The following PDE4D variants were observed in gnomAD, a reference collection of about 807,000 sequenced individuals.
PDE4D encodes the protein 3',5'-cyclic-AMP phosphodiesterase 4D.
A neutral mutation model predicts 87.4 loss-of-function variants in PDE4D; 24 were observed. That is an observed-to-expected ratio of 0.27 (90% CI 0.20 to 0.39). The LOEUF is 0.39. Among genes scored for constraint, PDE4D ranks in the 10% least tolerant of loss-of-function variants. The probability of loss-of-function intolerance (pLI) is 1.00; values close to 1 mark genes in which losing one functional copy is unlikely to be tolerated. For missense variants in PDE4D, 714 were observed against 1,041.0 expected (o/e 0.69, Z 4.32); for synonymous variants, 384 against 383.2 (o/e 1.00, Z -0.02).
intron 1 of PDE4D, among the ~76,000 whole-genome samples, chr5:60,449,379 A>T (rs1745907456): frequency 6.6e-6 from 1 of 151,698 alleles, no homozygotes; most frequent in African/African-American, 2.4e-5. Context: ...CATTCTCAGT[A>T]AACTATCGCA....
intron 6 of PDE4D, among the ~76,000 whole-genome samples, chr5:58,996,854 T>A (rs1445944137): frequency 6.6e-6 from 1 of 152,178 alleles, no homozygotes; most frequent in African/African-American, 2.4e-5. Context: ...GTGAAAGGAA[T>A]CTAAATATTG....
intron 6 of PDE4D, among the ~76,000 whole-genome samples, chr5:59,034,556 A>G (rs2153388246): frequency 6.6e-6 from 1 of 152,326 alleles, no homozygotes; most frequent in South Asian, 2.1e-4. Flanking sequence ...AAGTCCTACT[A>G]TATGTTCTGC....
chr5:59,543,301 G>T (rs1335188514), intron 1 of PDE4D, among the ~76,000 whole-genome samples: 6 of 152,088 alleles, frequency 3.9e-5, no homozygotes, highest in Non-Finnish European at 8.8e-5. Flanking sequence ...AGGATACTGA[G>T]GTTCATGATA....
At chr5:59,170,200 G>A (rs1782544474) in intron 5 of PDE4D, among the ~76,000 whole-genome samples, 1 of 152,054 alleles carries the variant, frequency 6.6e-6, no homozygotes, top group East Asian at 1.9e-4. Flanking sequence ...AAAATTTTTT[G>A]TAGAGATGGA....
intron 3 of PDE4D, among the ~76,000 whole-genome samples, chr5:59,967,152 G>A (rs1468229367): frequency 6.6e-6 from 1 of 152,068 alleles, no homozygotes; most frequent in Non-Finnish European, 1.5e-5. Flanking sequence ...GTCAGCTTAT[G>A]TCACTCTCAG....
intron 1 of PDE4D, among the ~76,000 whole-genome samples, chr5:59,761,172 A>T (rs962247216): frequency 6.6e-6 from 1 of 152,202 alleles, no homozygotes; most frequent in African/African-American, 2.4e-5. Context: ...AGGTACAGTT[A>T]AAAATACAGT....
chr5:59,904,932 T>C (rs938557031), intron 3 of PDE4D, among the ~76,000 whole-genome samples: 2 of 152,068 alleles, frequency 1.3e-5, no homozygotes, highest in Non-Finnish European at 2.9e-5. Context: ...AAGGAAAAAA[T>C]ATACAGAATT....
intron 1 of PDE4D, among the ~76,000 whole-genome samples, chr5:59,711,090 G>A (rs1051699789): frequency 1.3e-5 from 2 of 152,108 alleles, no homozygotes; most frequent in African/African-American, 4.8e-5. Flanking sequence ...CAGAGGAAAA[G>A]ATACAAATTC....
At chr5:59,389,701 T>A (rs907897084) in intron 1 of PDE4D, among the ~76,000 whole-genome samples, 3 of 152,116 alleles carry the variant, frequency 2.0e-5, no homozygotes, top group Non-Finnish European at 2.9e-5. Flanking sequence ...TCAACCTAAG[T>A]GTCCTTGATG....
intron 3 of PDE4D, among the ~76,000 whole-genome samples, chr5:59,917,900 C>T (rs1012681563): frequency 3.3e-5 from 5 of 151,806 alleles, no homozygotes; most frequent in Non-Finnish European, 5.9e-5. Context: ...TAAAATGTTA[C>T]GATTGCATCT....
chr5:59,371,595 T>C (rs1377375581), intron 1 of PDE4D, among the ~76,000 whole-genome samples: 1 of 152,132 alleles, frequency 6.6e-6, no homozygotes, highest in East Asian at 1.9e-4. Context: ...TTTGTTTAGC[T>C]GAAAAAAAGG....
chr5:60,249,029 T>C (rs763619127), intron 1 of PDE4D, among the ~76,000 whole-genome samples: 1 of 151,948 alleles, frequency 6.6e-6, no homozygotes, highest in African/African-American at 2.4e-5. Flanking sequence ...CTGTAACTTG[T>C]GGGTAGGCTG....
At chr5:60,059,040 A>ATGTGTGTGTGTGTGTG (rs70975363) in intron 2 of PDE4D, among the ~76,000 whole-genome samples, 18,670 of 142,140 alleles carry the variant, frequency 0.13, 1,670 homozygotes, top group East Asian at 0.41. Flanking sequence ...GCATTGTCAT[A>ATGTGTGTGTGTGTGTG]TGTGTGTGTG....
At chr5:60,286,845 A>T (rs1752461322) in intron 1 of PDE4D, among the ~76,000 whole-genome samples, 1 of 152,230 alleles carries the variant, frequency 6.6e-6, no homozygotes, top group Admixed American at 6.5e-5. Flanking sequence ...ATAAATGAGT[A>T]GCTTGCTAAT....
At chr5:59,666,561 G>A (rs995013839) in intron 1 of PDE4D, among the ~76,000 whole-genome samples, 11 of 152,178 alleles carry the variant, frequency 7.2e-5, no homozygotes, top group Non-Finnish European at 8.8e-5. Flanking sequence ...GTTTTTAAAA[G>A]CTATTCCAAG....
chr5:59,302,852 C>T (rs1247998549), intron 1 of PDE4D, among the ~76,000 whole-genome samples: 1 of 152,168 alleles, frequency 6.6e-6, no homozygotes, highest in Non-Finnish European at 1.5e-5. Context: ...CATACGTGTA[C>T]AAGTGTCTTT....
At chr5:59,731,525 T>C (rs1425664032) in intron 1 of PDE4D, among the ~76,000 whole-genome samples, 1 of 151,906 alleles carries the variant, frequency 6.6e-6, no homozygotes, top group Non-Finnish European at 1.5e-5. Flanking sequence ...GATTCAACCA[T>C]TGTTAGTTTT....
At chr5:59,453,334 A>G (rs1799440359) in intron 1 of PDE4D, among the ~76,000 whole-genome samples, 1 of 152,202 alleles carries the variant, frequency 6.6e-6, no homozygotes, top group Non-Finnish European at 1.5e-5. Context: ...CTAAGTGTTC[A>G]AGTGAGGTGA....
intron 5 of PDE4D, chr5:59,157,351 C>T: frequency 1.4e-6 from 1 of 702,542 alleles, no homozygotes; most frequent in South Asian, 1.5e-5. Context: ...GGGTTCAATT[C>T]CATCCAGGAT....
Sources: allele counts gnomAD v4.1 joint callset (sites outside exome capture counted in the v4.1 genomes callset), GRCh38; gene constraint gnomAD v4.1.1; transcripts MANE v1.5; gene names NCBI Gene and HGNC (gene_info 2026-07-23, HGNC 2026-07-21).